The following STK32B variants were observed in gnomAD, a reference collection of about 807,000 sequenced individuals.
STK32B encodes the protein serine/threonine-protein kinase 32B.
Under a neutral mutation model 52.6 loss-of-function variants are expected in STK32B, and 43 were observed. The ratio of observed to expected loss-of-function variants is 0.82; its 90% confidence interval spans 0.64 to 1.05. STK32B has a LOEUF of 1.05. Ranked by LOEUF, STK32B falls within the 50% of genes least tolerant of loss-of-function variation. STK32B has a pLI of 0.00. For synonymous variants in STK32B, 238 were observed against 204.3 expected (o/e 1.17, Z -1.41); for missense variants, 621 against 534.6 (o/e 1.16, Z -1.59).
At chr4:5,491,243 C>T (rs1169302528) in intron 11 of STK32B, among the ~76,000 whole-genome samples, 2 of 152,296 alleles carry the variant, frequency 1.3e-5, no homozygotes, top group African/African-American at 4.8e-5. Context: ...CTGTTGTTTC[C>T]TGACTTTTTA....
chr4:5,479,408 C>T (rs1718509981), intron 11 of STK32B, among the ~76,000 whole-genome samples: 1 of 152,264 alleles, frequency 6.6e-6, no homozygotes, highest in Non-Finnish European at 1.5e-5. Context: ...CGTGAGCCAC[C>T]ATGCCCGGCC....
chr4:5,435,756 T>C (rs1280478739), intron 6 of STK32B: 1 of 152,042 alleles, frequency 6.6e-6, no homozygotes, highest in Non-Finnish European at 1.5e-5. Context: ...TCAAGGAGCT[T>C]GGAGTCAAGA....
chr4:5,299,949 ATCAT>A (rs987866047), intron 3 of STK32B, among the ~76,000 whole-genome samples: 2 of 152,022 alleles, frequency 1.3e-5, no homozygotes, highest in Non-Finnish European at 2.9e-5. Flanking sequence ...TGAAACTAGT[ATCAT>A]TCTGATACCG....
intron 4 of STK32B, among the ~76,000 whole-genome samples, chr4:5,358,696 C>G (rs1288834887): frequency 9.9e-6 from 1 of 101,056 alleles, no homozygotes; most frequent in Non-Finnish European, 2.0e-5. Flanking sequence ...CACATTCACA[C>G]ACATGCACAC....
chr4:5,410,931 G>A (rs947558060), intron 5 of STK32B, among the ~76,000 whole-genome samples: 7 of 152,130 alleles, frequency 4.6e-5, no homozygotes, highest in Non-Finnish European at 8.8e-5. Context: ...TTGATATCTT[G>A]TAGTTGCGTC....
At chr4:5,408,716 A>G (rs1737837828) in intron 5 of STK32B, among the ~76,000 whole-genome samples, 1 of 152,054 alleles carries the variant, frequency 6.6e-6, no homozygotes, top group Admixed American at 6.6e-5. Context: ...ACAGTATTTG[A>G]TACTGATCTG....
chr4:5,236,142 C>T (rs1349094593), intron 3 of STK32B, among the ~76,000 whole-genome samples: 4 of 151,992 alleles, frequency 2.6e-5, no homozygotes, highest in Admixed American at 6.6e-5. Context: ...ATAGCTTGCA[C>T]GGGGAAAAGA....
intron 4 of STK32B, among the ~76,000 whole-genome samples, chr4:5,374,931 CA>C (rs1181948339): frequency 2.0e-5 from 3 of 152,186 alleles, no homozygotes; most frequent in Admixed American, 6.5e-5. Flanking sequence ...CGGAGATTAG[CA>C]AGCGTCCAAA....
intron 1 of STK32B, among the ~76,000 whole-genome samples, chr4:5,068,432 G>A (rs1333396352): frequency 6.6e-6 from 1 of 152,182 alleles, no homozygotes; most frequent in Non-Finnish European, 1.5e-5. Flanking sequence ...TTCAAGCCAA[G>A]TTGCTGATAT....
At chr4:5,081,964 C>T (rs962796614) in intron 1 of STK32B, among the ~76,000 whole-genome samples, 3 of 152,254 alleles carry the variant, frequency 2.0e-5, no homozygotes, top group South Asian at 2.1e-4. Flanking sequence ...TTGTTTGTTT[C>T]TGGCACCCTT....
chr4:5,245,858 C>A (rs1247664458), intron 3 of STK32B, among the ~76,000 whole-genome samples: 1 of 152,114 alleles, frequency 6.6e-6, no homozygotes, highest in Non-Finnish European at 1.5e-5. Context: ...ATATGAAATT[C>A]TGGGTTGAAA....
Position 5,302,209 on chromosome 4 carries a change from TA to T in STK32B, c.261-29000del, listed in dbSNP as rs202157359. Among the ~76,000 whole-genome samples, 179 of 138,656 alleles carry T rather than the reference TA, an allele frequency of 1.3e-3. 1 individual carries two copies. The East Asian group carries it at 0.014, about 11-fold the overall frequency. 91.0% of individuals were successfully genotyped at this position (138,656 alleles called of 152,430 possible). Reference sequence around the variant, plus strand: ...TATAATTTCAAAATTACAAAAATTGTAAAAAAAAAAATCACAAAGAATTATA... The same window carrying T: ...TATAATTTCAAAATTACAAAAATTGTAAAAAAAAAATCACAAAGAATTATA... On this transcript the variant is annotated intron_variant, in intron 3 of 11. Coordinates refer to ENST00000282908, the MANE Select transcript of STK32B (RefSeq NM_018401.3).
intron 6 of STK32B, among the ~76,000 whole-genome samples, chr4:5,423,530 G>C (rs1432052113): frequency 6.6e-6 from 1 of 152,208 alleles, no homozygotes; most frequent in Non-Finnish European, 1.5e-5. Flanking sequence ...TATTAATGTG[G>C]TTGTTCTGAT....
chr4:5,270,239 C>T (rs1033876772), intron 3 of STK32B, among the ~76,000 whole-genome samples: 1 of 152,110 alleles, frequency 6.6e-6, no homozygotes, highest in Non-Finnish European at 1.5e-5. Flanking sequence ...CCACAATAGT[C>T]CATCTGCAAG....
intron 4 of STK32B, among the ~76,000 whole-genome samples, chr4:5,345,000 T>C (rs1244848929): frequency 6.6e-6 from 1 of 151,746 alleles, no homozygotes; most frequent in Non-Finnish European, 1.5e-5. Context: ...GTGATAGTGC[T>C]GCTGCACTCC....
At chr4:5,274,324 A>G (rs1233586671) in intron 3 of STK32B, among the ~76,000 whole-genome samples, 1 of 152,134 alleles carries the variant, frequency 6.6e-6, no homozygotes, top group Non-Finnish European at 1.5e-5. Flanking sequence ...TAGAACCACA[A>G]AGATATGATC....
chr4:5,453,886 C>T lies in STK32B; in HGVS notation c.667-2921C>T, dbSNP rs1246433241. On this transcript the variant is annotated intron_variant, in intron 7 of 11. Coordinates refer to ENST00000282908, the MANE Select transcript of STK32B (RefSeq NM_018401.3). The surrounding 1 kb of genome is among the most constrained non-coding windows in gnomAD (Gnocchi z 4.0). Reference sequence around the variant, plus strand: ...TACCATTGCACTCCAGTCTAGGCGACAAGAGTGAAACTCCATCTAAAAAAA... The same window carrying T: ...TACCATTGCACTCCAGTCTAGGCGATAAGAGTGAAACTCCATCTAAAAAAA... Among the ~76,000 whole-genome samples, 1 of 151,578 alleles carries T rather than the reference C, an allele frequency of 6.6e-6. No homozygotes were observed.
chr4:5,275,188 A>AC (rs552342812), intron 3 of STK32B, among the ~76,000 whole-genome samples: 38 of 151,946 alleles, frequency 2.5e-4, no homozygotes, highest in African/African-American at 6.8e-4. Context: ...GGGAGCAAGG[A>AC]CCCCCCCAGT....
intron 11 of STK32B, among the ~76,000 whole-genome samples, chr4:5,491,196 T>TAA (rs1205282554): frequency 3.3e-5 from 5 of 152,178 alleles, no homozygotes; most frequent in Non-Finnish European, 7.3e-5. Context: ...ACCAACAGTG[T>TAA]AAAAGTGTTC....
Sources: allele counts gnomAD v4.1 joint callset (sites outside exome capture counted in the v4.1 genomes callset), GRCh38; gene constraint gnomAD v4.1.1; non-coding constraint Gnocchi (gnomAD v3.1); transcripts MANE v1.5; gene names NCBI Gene and HGNC (gene_info 2026-07-23, HGNC 2026-07-21).